Variants in SCOC observed in about 807,000 individuals in gnomAD.
The protein encoded by SCOC is short coiled-coil protein.
Under a neutral mutation model 9.9 loss-of-function variants are expected in SCOC, and 7 were observed. That is an observed-to-expected ratio of 0.71 (90% CI 0.40 to 1.33). SCOC has a LOEUF of 1.33. Among genes scored for constraint, SCOC ranks in the 40% most tolerant of loss-of-function variants. SCOC has a pLI of 0.01. For missense variants in SCOC, 66 were observed against 89.7 expected, an observed-to-expected ratio of 0.74 and a Z score of 1.07; for synonymous variants, 19 against 28.2, an observed-to-expected ratio of 0.67 and a Z score of 1.03.
intron 2 of SCOC, among the ~76,000 whole-genome samples, chr4:140,364,261 G>T (rs1332585982): frequency 6.6e-6 from 1 of 152,050 alleles, no homozygotes; most frequent in Admixed American, 6.6e-5. Context: ...GGAAGGCGAA[G>T]GATGTAAACC....
chr4:140,377,916 G>A (rs1274872829), intron 1 of SCOC, among the ~76,000 whole-genome samples: 2 of 152,156 alleles, frequency 1.3e-5, no homozygotes, highest in African/African-American at 4.8e-5. Context: ...AACACTGACA[G>A]GTCTAGGTTG....
At chr4:140,338,936 T>C (rs1578825881), upstream of SCOC, among the ~76,000 whole-genome samples, 1 of 152,146 alleles carries the variant, frequency 6.6e-6, no homozygotes, top group Non-Finnish European at 1.5e-5. Context: ...CTTCACAGAA[T>C]TGGAAAAAAC....
chr4:140,373,491 A>C (rs1241874461), upstream of SCOC: 1 of 1,551,508 alleles, frequency 6.4e-7, no homozygotes, highest in Non-Finnish European at 8.7e-7. Flanking sequence ...GCAAAGGTGG[A>C]TCCCGGTGCT....
chr4:140,381,182 C>A lies in SCOC; in HGVS notation c.*78C>A. On this transcript the variant is annotated 3_prime_UTR_variant, in exon 4 of 4. Coordinates refer to ENST00000608372, the MANE Select transcript of SCOC (RefSeq NM_001153484.2). ...AAACTTGGATAGATTCCAAAAGTTA[C>A]AGTACCTTTGTGGCTTCATTGAATA... The A allele has an allele frequency of 7.2e-7, 1 of 1,398,276 alleles. No individual in the cohort carries two copies. The highest frequency in any genetic ancestry group is 9.7e-7 in the Non-Finnish European group (1 of 1,031,532). 86.6% of individuals were successfully genotyped at this position (1,398,276 alleles called of 1,614,324 possible). A position where few individuals can be genotyped will look rare whatever the true frequency, so the allele number is the denominator to read the frequency against.
intron 1 of SCOC, among the ~76,000 whole-genome samples, chr4:140,272,396 A>G (rs1730866614): frequency 6.6e-6 from 1 of 152,156 alleles, no homozygotes; most frequent in Admixed American, 6.5e-5. Flanking sequence ...CAGATCACCA[A>G]GGGAGCTTAA....
chr4:140,362,506 G>A (rs1260447197), intron 2 of SCOC, among the ~76,000 whole-genome samples: 1 of 150,810 alleles, frequency 6.6e-6, no homozygotes, highest in African/African-American at 2.4e-5. Flanking sequence ...TATTGGCCAA[G>A]TTGGTCTGGA....
rs1440794066 is a variant in SCOC, at chr4:140,356,295, C to T, written c.70+12587C>T. 3.3e-5 allele frequency among the ~76,000 whole-genome samples: 5 copies of T among 152,216 alleles called. 1 individual carries two copies. The highest frequency in any genetic ancestry group is 7.3e-5 in the Non-Finnish European group (5 of 68,032). On this transcript the variant is annotated intron_variant, in intron 2 of 4. Transcript: ENST00000338517. ...TTTGAAAGTTGCCTGTGCTCTATCA[C>T]TCCTGGATACATTAGTGTATATTTC...
intron 1 of SCOC, among the ~76,000 whole-genome samples, chr4:140,321,516 T>C (rs955317871): frequency 6.6e-6 from 1 of 152,164 alleles, no homozygotes; most frequent in Non-Finnish European, 1.5e-5. Flanking sequence ...CTAAAAATGC[T>C]AGACATCAAA....
intron 1 of SCOC, among the ~76,000 whole-genome samples, chr4:140,316,584 G>A (rs974517985): frequency 5.9e-5 from 9 of 152,104 alleles, no homozygotes; most frequent in Non-Finnish European, 7.4e-5. Flanking sequence ...CTCAGAGAAG[G>A]GGTGGAAAAA....
At chr4:140,362,963 C>A (rs1266761182) in intron 2 of SCOC, 1 of 152,166 alleles carries the variant, frequency 6.6e-6, no homozygotes, top group Non-Finnish European at 1.5e-5. Context: ...ACAGTCAACC[C>A]AGGCTTTACT....
In SCOC at chr4:140,383,894, A is replaced by AGAT. The variant is rs1236674730; in HGVS notation, c.*2791_*2793dup. On this transcript the variant is annotated 3_prime_UTR_variant, in exon 4 of 4. Transcript: ENST00000608372. ...CCTTTCTTTAATGGAGGCTATCTTGAGATCAACTAAAAATAAGATTACACT... is the reference window on the plus strand; with the variant it reads ...CCTTTCTTTAATGGAGGCTATCTTGAGATGATCAACTAAAAATAAGATTACACT... The AGAT allele has an allele frequency of 6.6e-6, 1 of 152,228 alleles. No homozygotes were observed. Among genetic ancestry groups the AGAT allele is most frequent in the Non-Finnish European group, 1.5e-5 (1 of 68,046 alleles). 9.4% of individuals were successfully genotyped at this position (152,228 alleles called of 1,614,324 possible).
intron 2 of SCOC, among the ~76,000 whole-genome samples, chr4:140,367,672 C>T (rs895789668): frequency 5.2e-4 from 79 of 152,270 alleles, no homozygotes; most frequent in African/African-American, 1.9e-3. Context: ...GCCACTGTGC[C>T]CAGTCTAAAG....
At chr4:140,378,599 A>C (rs1254351944) in intron 1 of SCOC, among the ~76,000 whole-genome samples, 3 of 152,134 alleles carry the variant, frequency 2.0e-5, no homozygotes, top group Admixed American at 2.0e-4. Flanking sequence ...TCTTAAAAAG[A>C]AAATCACAAC....
chr4:140,272,415 A>T (rs1328195708), intron 1 of SCOC, among the ~76,000 whole-genome samples: 1 of 152,150 alleles, frequency 6.6e-6, no homozygotes, highest in Non-Finnish European at 1.5e-5. Flanking sequence ...AATAATGCAC[A>T]TTACTGGGCC....
intron 1 of SCOC, chr4:140,283,960 AC>A (rs2126419693): frequency 6.6e-6 from 1 of 152,294 alleles, no homozygotes; most frequent in Admixed American, 6.5e-5. Context: ...AGAATGACTG[AC>A]CCTGTAATGT....
chr4:140,371,272 T>C (rs570259163), upstream of SCOC, among the ~76,000 whole-genome samples: 7 of 152,316 alleles, frequency 4.6e-5, no homozygotes, highest in African/African-American at 1.7e-4. Flanking sequence ...TCTCTTCTGT[T>C]TGTAAAACTT....
At chr4:140,322,205 A>G (rs974331086) in intron 1 of SCOC, among the ~76,000 whole-genome samples, 2 of 152,222 alleles carry the variant, frequency 1.3e-5, no homozygotes, top group Non-Finnish European at 2.9e-5. Flanking sequence ...TGCTGTAATA[A>G]ATACCTACAA....
At chr4:140,296,077 C>T (rs563830518) in intron 1 of SCOC, among the ~76,000 whole-genome samples, 3 of 151,838 alleles carry the variant, frequency 2.0e-5, no homozygotes, top group Admixed American at 2.0e-4. Context: ...TTTAAAAGTT[C>T]CCTGGATGAT....
chr4:140,339,932 C>T (rs1726436479), upstream of SCOC, among the ~76,000 whole-genome samples: 1 of 152,128 alleles, frequency 6.6e-6, no homozygotes, highest in Non-Finnish European at 1.5e-5. Context: ...ACCATTTGAC[C>T]CAGCCATCCC....
Sources: gnomAD v4.1 joint callset for allele counts (sites outside exome capture counted in the v4.1 genomes callset) on GRCh38, gnomAD v4.1.1 for gene constraint, MANE v1.5 for transcripts, NCBI Gene and HGNC (gene_info 2026-07-23, HGNC 2026-07-21) for gene names.